RGS6: variants seen among roughly 807,000 people sequenced by gnomAD.
RGS6 encodes the protein regulator of G-protein signaling 6.
Under a neutral mutation model 78.5 loss-of-function variants are expected in RGS6, and 30 were observed. That is an observed-to-expected ratio of 0.38 (90% CI 0.29 to 0.52). The LOEUF (loss-of-function observed/expected upper bound fraction) is 0.52, where lower values mean the gene tolerates loss of function less well. Ranked by LOEUF, RGS6 falls within the 20% of genes least tolerant of loss-of-function variation. The pLI is 0.85. For synonymous variants in RGS6, 206 were observed against 206.0 expected (o/e 1.00, Z 0.00); for missense variants, 495 against 609.7 (o/e 0.81, Z 1.98).
the RGS6 span, among the ~76,000 whole-genome samples, chr14:72,605,247 C>T: frequency 3.9e-5 from 6 of 152,088 alleles, no homozygotes; most frequent in Admixed American, 6.5e-5. Context: ...CAAATCCCAG[C>T]GAAGGGAAGC....
the RGS6 span, among the ~76,000 whole-genome samples, chr14:72,607,639 G>C: frequency 7.9e-5 from 12 of 152,336 alleles, no homozygotes; most frequent in African/African-American, 2.9e-4. Flanking sequence ...GCAGATGAAA[G>C]GCCTGAATGT....
chr14:72,137,189 A>G (rs2096457449), intron 2 of RGS6, among the ~76,000 whole-genome samples: 1 of 152,176 alleles, frequency 6.6e-6, no homozygotes, highest in African/African-American at 2.4e-5. Context: ...TCACTGGTTT[A>G]ATGACTCCAG....
chr14:72,213,282 A>C, intron 2 of RGS6, among the ~76,000 whole-genome samples: 1 of 151,326 alleles, frequency 6.6e-6, no homozygotes, highest in Admixed American at 6.6e-5. Flanking sequence ...TTTTGATGTT[A>C]CTCCTGGGAG....
intron 2 of RGS6, among the ~76,000 whole-genome samples, chr14:72,080,690 C>T (rs1259623624): frequency 6.6e-6 from 1 of 151,940 alleles, no homozygotes; most frequent in Non-Finnish European, 1.5e-5. Context: ...TGAGTTAGTT[C>T]TTGTATATGG....
At chr14:71,925,719 T>TATTTATATTATATTATATTATATTATATG in the RGS6 span, among the ~76,000 whole-genome samples, 19 of 111,852 alleles carry the variant, frequency 1.7e-4, no homozygotes, top group Admixed American at 6.2e-4. Flanking sequence ...CTTCATATTA[T>TATTTATATTATATTATATTATATTATATG]ATTATATTAT....
the RGS6 span, among the ~76,000 whole-genome samples, chr14:72,576,420 A>T: frequency 2.0e-5 from 3 of 152,236 alleles, no homozygotes; most frequent in Non-Finnish European, 4.4e-5. Context: ...TAGCAAAGGG[A>T]TCCAGGTTTC....
At chr14:72,245,538 G>C (rs1423297005) in intron 2 of RGS6, among the ~76,000 whole-genome samples, 1 of 152,240 alleles carries the variant, frequency 6.6e-6, no homozygotes, top group Non-Finnish European at 1.5e-5. Context: ...TTTGTTTGTG[G>C]CTTGAGAATG....
chr14:71,999,498 G>A (rs982762239), intron 2 of RGS6, among the ~76,000 whole-genome samples: 1 of 152,190 alleles, frequency 6.6e-6, no homozygotes, highest in African/African-American at 2.4e-5. Context: ...AGATGGAGAA[G>A]GGAGGAGTCA....
intron 2 of RGS6, among the ~76,000 whole-genome samples, chr14:72,250,060 A>C (rs2055266192): frequency 7.9e-6 from 1 of 126,198 alleles, no homozygotes; most frequent in East Asian, 2.4e-4. Flanking sequence ...TGGACACAGG[A>C]AGGGGAATAT....
the RGS6 span, among the ~76,000 whole-genome samples, chr14:71,894,620 G>A: frequency 6.6e-6 from 1 of 152,028 alleles, no homozygotes; most frequent in East Asian, 1.9e-4. Context: ...TTTCTCTTGG[G>A]GTTTGCTTTG....
At chr14:72,349,922 A>G (rs1158256366) in intron 2 of RGS6, among the ~76,000 whole-genome samples, 1 of 152,170 alleles carries the variant, frequency 6.6e-6, no homozygotes, top group Non-Finnish European at 1.5e-5. Context: ...TGTAACTGAT[A>G]CTTCTGGTTT....
intron 3 of RGS6, among the ~76,000 whole-genome samples, chr14:72,450,524 C>G (rs763234997): frequency 6.6e-6 from 1 of 152,140 alleles, no homozygotes; most frequent in Non-Finnish European, 1.5e-5. Context: ...AAATCAGCCT[C>G]AAAAAGAATG....
At chr14:72,217,320 A>G (rs2045830775) in intron 2 of RGS6, among the ~76,000 whole-genome samples, 1 of 152,252 alleles carries the variant, frequency 6.6e-6, no homozygotes, top group African/African-American at 2.4e-5. Flanking sequence ...TTTAGCCATT[A>G]CAACCTCATC....
intron 3 of RGS6, among the ~76,000 whole-genome samples, chr14:72,407,837 A>G (rs1313457809): frequency 1.3e-5 from 2 of 152,082 alleles, no homozygotes; most frequent in Non-Finnish European, 2.9e-5. Flanking sequence ...TGCTTTCTTG[A>G]CTTGTGTTTT....
the RGS6 span, among the ~76,000 whole-genome samples, chr14:72,603,215 G>A: frequency 8.5e-5 from 13 of 152,222 alleles, no homozygotes; most frequent in African/African-American, 2.9e-4. Flanking sequence ...CCTTTAAGAG[G>A]AACACAGGGT....
At chr14:72,547,355 C>G in intron 17 of RGS6, 2 of 1,533,496 alleles carry the variant, frequency 1.3e-6, no homozygotes, top group Non-Finnish European at 1.7e-6. Context: ...CTGAGGACTT[C>G]AAAGGCTAAG....
At chr14:71,889,589 G>T in the RGS6 span, among the ~76,000 whole-genome samples, 1 of 152,206 alleles carries the variant, frequency 6.6e-6, no homozygotes, top group Non-Finnish European at 1.5e-5. Context: ...CTTCGTCAGA[G>T]AGGGGATAAT....
chr14:72,401,170 T>G (rs1182213421), intron 3 of RGS6, among the ~76,000 whole-genome samples: 4 of 152,214 alleles, frequency 2.6e-5, no homozygotes, highest in Admixed American at 2.6e-4. Flanking sequence ...CTTAAAATAC[T>G]TTTATGAGCA....
the RGS6 span, among the ~76,000 whole-genome samples, chr14:72,616,374 G>A: frequency 6.6e-6 from 1 of 152,062 alleles, no homozygotes; most frequent in Non-Finnish European, 1.5e-5. Context: ...CCAACCCCAT[G>A]TACATCCCTC....
Sources: allele counts gnomAD v4.1 joint callset (sites outside exome capture counted in the v4.1 genomes callset), GRCh38; gene constraint gnomAD v4.1.1; transcripts MANE v1.5; gene names NCBI Gene and HGNC (gene_info 2026-07-23, HGNC 2026-07-21).